ARRB2: variants seen among roughly 807,000 people sequenced by gnomAD.
ARRB2 encodes the protein arrestin beta 2, also known as beta-arrestin-2.
ARRB2 carries 21 observed loss-of-function variants against 53.4 expected under a neutral mutation model. The observed-to-expected ratio is 0.39, with a 90% confidence interval of 0.28 to 0.57. ARRB2 has a LOEUF of 0.57. Ranked by LOEUF, ARRB2 falls within the 20% of genes least tolerant of loss-of-function variation. The probability of loss-of-function intolerance (pLI) is 0.55; values close to 1 mark genes in which losing one functional copy is unlikely to be tolerated. For missense variants in ARRB2, 369 were observed against 527.5 expected, an observed-to-expected ratio of 0.70 and a Z score of 2.94; for synonymous variants, 180 against 212.9, an observed-to-expected ratio of 0.85 and a Z score of 1.34.
intron 1 of ARRB2, among the ~76,000 whole-genome samples, chr17:4,713,325 T>G (rs571514612): frequency 6.8e-6 from 1 of 147,894 alleles, no homozygotes; most frequent in African/African-American, 2.5e-5. Context: ...GGAAACCCCA[T>G]CTATACTAAA....
chr17:4,716,179 A>C lies in ARRB2; in HGVS notation c.148A>C (p.Lys50Gln). The C allele has an allele frequency of 6.2e-7, 1 of 1,614,002 alleles. No individual in the cohort carries two copies. Among genetic ancestry groups the C allele is most frequent in the Middle Eastern group, 1.7e-4 (1 of 6,024 alleles). Residue 50 changes from lysine (K) to glutamine (Q), a missense_variant, in exon 4 of 15, where the codon AAG becomes CAG. Lys to Gln is a moderately conservative substitution (Grantham distance 53). Coordinates refer to ENST00000269260, the MANE Select transcript of ARRB2 (RefSeq NM_004313.4). ...GGTGCTTGTGGACCCTGACTACCTG[A>C]AGGACCGCAAAGGTACTGGCCCCAA... ...GVVLVDPDYL[K>Q]DRKVFVTLTC... is the part of the protein sequence containing the mutation.
In ARRB2 at chr17:4,710,691, G is replaced by A. The variant is rs904123438; in HGVS notation, c.-31G>A. On this transcript the variant is annotated 5_prime_UTR_variant, in exon 1 of 15. Transcript: ENST00000269260. The stretch of plus-strand genomic sequence containing the variant: ...CGGGCGAGGAGGCTGCGAGCGAGCC[G>A]CGAACCGAGCGGGCGGCGGGCGCGC... The A allele has an allele frequency of 1.5e-5, 6 of 398,472 alleles. No individual in the cohort carries two copies. Among genetic ancestry groups the A allele is most frequent in the Non-Finnish European group, 2.7e-5 (6 of 225,968 alleles). 24.7% of individuals were successfully genotyped at this position (398,472 alleles called of 1,614,324 possible). A position where few individuals can be genotyped will look rare whatever the true frequency, so the allele number is the denominator to read the frequency against.
At position 4,717,600 on chromosome 17, in the gene ARRB2, C is replaced by G; in HGVS notation, c.418-85C>G. 3 of 1,563,594 alleles carry G rather than the reference C, an allele frequency of 1.9e-6. No individual in the cohort carries two copies. The highest frequency in any genetic ancestry group is 1.7e-5 in the Admixed American group (1 of 59,798). On this transcript the variant is annotated intron_variant, in intron 6 of 14. Transcript: ENST00000269260. This position sits in a 1 kb window ranked among gnomAD's most constrained non-coding sequence, Gnocchi z 6.0. ...CCACAATGAGGCAAGAGTCCCTGCC[C>G]GAGAGGAGGGAAGGGGGAGGAAGAA... is the stretch of plus-strand genomic sequence containing the variant.
At position 4,721,288 on chromosome 17, in the gene ARRB2, T is replaced by A; in HGVS notation, c.*249T>A. ...TCCAGCCCCGCCGTGGGTGGCAAGCTGTGTTCATACCTAAATTTTCTGGAA... is the reference window on the plus strand; with the variant it reads ...TCCAGCCCCGCCGTGGGTGGCAAGCAGTGTTCATACCTAAATTTTCTGGAA... On this transcript the variant is annotated 3_prime_UTR_variant, in exon 15 of 15. Coordinates refer to ENST00000269260, the MANE Select transcript of ARRB2 (RefSeq NM_004313.4). This position sits in a 1 kb window ranked among gnomAD's most constrained non-coding sequence, Gnocchi z 4.2. 1 of 510,664 alleles carries A rather than the reference T, an allele frequency of 2.0e-6. No individual in the cohort carries two copies. The highest frequency in any genetic ancestry group is 3.5e-6 in the Non-Finnish European group (1 of 288,156). The allele number at this position is 510,664 out of a possible 1,614,324, so 31.6% of individuals were successfully genotyped here. A position where few individuals can be genotyped will look rare whatever the true frequency, so the allele number is the denominator to read the frequency against.
chr17:4,718,384 C>T lies in ARRB2; in HGVS notation c.706+39C>T, dbSNP rs746019390. 1.4e-4 allele frequency: 214 copies of T among 1,573,280 alleles called. No homozygotes were observed. In the South Asian group the frequency reaches 2.1e-3, roughly 15 times the overall value. On this transcript the variant is annotated intron_variant, in intron 9 of 14. Coordinates refer to ENST00000269260, the MANE Select transcript of ARRB2 (RefSeq NM_004313.4). ...TTTGGAAGGGGGTCTTCGGGGAGGG[C>T]GTTACTGCACAGGTGGCTCCTGGTG...
intron 9 of ARRB2, 125 bp from the exon 10 acceptor site, chr17:4,718,487 G>A (rs779963237): frequency 8.7e-5 from 105 of 1,206,352 alleles, no homozygotes; most frequent in Non-Finnish European, 1.2e-4. Flanking sequence ...ATAATGATAC[G>A]GGGAGCCTCG....
chr17:4,711,602 A>G (rs1051775574), intron 1 of ARRB2, among the ~76,000 whole-genome samples: 3 of 152,150 alleles, frequency 2.0e-5, no homozygotes, highest in Non-Finnish European at 4.4e-5. Flanking sequence ...GCAAAACATC[A>G]TATCAACCCC....
At position 4,721,087 on chromosome 17, in the gene ARRB2, G is replaced by C; in HGVS notation, c.*48G>C. 7 of 1,556,332 alleles carry C rather than the reference G, an allele frequency of 4.5e-6. No individual in the cohort carries two copies. The highest frequency in any genetic ancestry group is 6.2e-6 in the Non-Finnish European group (7 of 1,129,406). ...GGGGATGGGGTTGGGAGAGGTGAGG[G>C]CAGGATTAAGATCCCCACTGTCAAT... On this transcript the variant is annotated 3_prime_UTR_variant, in exon 15 of 15. Coordinates refer to ENST00000269260, the MANE Select transcript of ARRB2 (RefSeq NM_004313.4). This position sits in a 1 kb window ranked among gnomAD's most constrained non-coding sequence, Gnocchi z 4.2.
Position 4,716,528 on chromosome 17 carries a change from A to ACCCCCCCCCCCCCCCCCCCCC in ARRB2, c.277_278insCCCCCCCCCCCCCCCCCCCCC (p.Asn93delinsThrProProProProProProHis). ...CTACCAGGCCTTCCCCCCGGTGCCC[A>ACCCCCCCCCCCCCCCCCCCCC]ACCCACCCCGGCCCCCCACCCGCCT... is the stretch of plus-strand genomic sequence containing the variant. On this transcript the variant is annotated protein_altering_variant, in exon 5 of 15. Transcript: ENST00000269260. 1 of 1,015,122 alleles carries ACCCCCCCCCCCCCCCCCCCCC rather than the reference A, an allele frequency of 9.9e-7. No homozygotes were observed. Among genetic ancestry groups the ACCCCCCCCCCCCCCCCCCCCC allele is most frequent in the Admixed American group, 2.1e-5 (1 of 47,602 alleles). The allele number at this position is 1,015,122 out of a possible 1,614,324, so 62.9% of individuals were successfully genotyped here. A position where few individuals can be genotyped will look rare whatever the true frequency, so the allele number is the denominator to read the frequency against.
At chr17:4,714,914 G>C (rs1468279353) in intron 1 of ARRB2, 99 bp from the exon 2 acceptor site, 1 of 1,312,804 alleles carries the variant, frequency 7.6e-7, no homozygotes, top group African/African-American at 1.5e-5. Context: ...GGAGGCCTGG[G>C]TGAGCACTGC....
chr17:4,711,265 G>A (rs949531103), intron 1 of ARRB2, among the ~76,000 whole-genome samples: 5 of 152,102 alleles, frequency 3.3e-5, no homozygotes, highest in African/African-American at 1.2e-4. Flanking sequence ...TCATCTTGGG[G>A]GAGCCGAGTG....
Position 4,718,171 on chromosome 17 carries a change from G to A in ARRB2, c.622-90G>A, listed in dbSNP as rs1915269052. The A allele has an allele frequency of 2.9e-5, 44 of 1,539,468 alleles. No individual in the cohort carries two copies. The South Asian group carries it at 5.1e-4, about 18-fold the overall frequency. On this transcript the variant is annotated intron_variant, in intron 8 of 14. Coordinates refer to ENST00000269260, the MANE Select transcript of ARRB2 (RefSeq NM_004313.4). ...GTGGGCTTGGGTTTGAGGGGAGGGG[G>A]CCAGAACAATGTGTCTGTGTTTGGG...
chr17:4,714,948 G>T, intron 1 of ARRB2, 65 bp from the exon 2 acceptor site: 2 of 1,533,380 alleles, frequency 1.3e-6, no homozygotes, highest in Non-Finnish European at 1.8e-6. Context: ...GAGGGAGAGG[G>T]TCCTGGTGTG....
intron 10 of ARRB2, among the ~76,000 whole-genome samples, 194 bp from the exon 11 acceptor site, chr17:4,719,089 A>AGCC (rs1915405052): frequency 6.6e-6 from 1 of 152,182 alleles, no homozygotes; most frequent in Non-Finnish European, 1.5e-5. Context: ...CTTCACTTAA[A>AGCC]AGGGTATTCC....
chr17:4,714,982 G>A (rs1356559379), intron 1 of ARRB2, 31 bp from the exon 2 acceptor site: 2 of 1,586,396 alleles, frequency 1.3e-6, no homozygotes, highest in Non-Finnish European at 1.7e-6. Context: ...GTCTGAGGGA[G>A]GCAGTGGGGT....
chr17:4,720,085 G>A (rs531144128), intron 11 of ARRB2, 131 bp from the exon 12 acceptor site: 67 of 891,384 alleles, frequency 7.5e-5, no homozygotes, highest in Non-Finnish European at 1.1e-4. Flanking sequence ...ATAACCGCAC[G>A]GCCTGGGCTG....
At chr17:4,710,917 G>A (rs1005316806) in intron 1 of ARRB2, among the ~76,000 whole-genome samples, 173 bp downstream of exon 1, 38 of 151,912 alleles carry the variant, frequency 2.5e-4, no homozygotes, top group African/African-American at 8.7e-4. Flanking sequence ...GGGTGGGGGG[G>A]AAATGCCCGG....
chr17:4,721,453 C>G lies in ARRB2; in HGVS notation c.*414C>G. ...AGACCCTTTGGGGACAAGGCCGTTT[C>G]TTTGTTTCTGAGCATAAAGAAGAAA... On this transcript the variant is annotated 3_prime_UTR_variant, in exon 15 of 15. Coordinates refer to ENST00000269260, the MANE Select transcript of ARRB2 (RefSeq NM_004313.4). This position sits in a 1 kb window ranked among gnomAD's most constrained non-coding sequence, Gnocchi z 4.2. 1 of 397,222 alleles carries G rather than the reference C, an allele frequency of 2.5e-6. No homozygotes were observed. Among genetic ancestry groups the G allele is most frequent in the Non-Finnish European group, 4.4e-6 (1 of 225,226 alleles). 24.6% of individuals were successfully genotyped at this position (397,222 alleles called of 1,614,324 possible). A position where few individuals can be genotyped will look rare whatever the true frequency, so the allele number is the denominator to read the frequency against.
chr17:4,717,561 C>T lies in ARRB2; in HGVS notation c.418-124C>T. 7.6e-7 allele frequency: 1 copy of T among 1,309,870 alleles called. No homozygotes were observed. Among genetic ancestry groups the T allele is most frequent in the Non-Finnish European group, 1.1e-6 (1 of 920,006 alleles). 81.1% of individuals were successfully genotyped at this position (1,309,870 alleles called of 1,614,324 possible). A position where few individuals can be genotyped will look rare whatever the true frequency, so the allele number is the denominator to read the frequency against. On this transcript the variant is annotated intron_variant, in intron 6 of 14. Coordinates refer to ENST00000269260, the MANE Select transcript of ARRB2 (RefSeq NM_004313.4). This position sits in a 1 kb window ranked among gnomAD's most constrained non-coding sequence, Gnocchi z 6.0. Reference sequence around the variant, plus strand: ...TTTGGAGAGGAAGAAGACTTAGTCCCCAGGGTCGTGAGACCACAATGAGGC... The same window carrying T: ...TTTGGAGAGGAAGAAGACTTAGTCCTCAGGGTCGTGAGACCACAATGAGGC...
Sources: allele counts gnomAD v4.1 joint callset (sites outside exome capture counted in the v4.1 genomes callset), GRCh38; gene constraint gnomAD v4.1.1; non-coding constraint Gnocchi (gnomAD v3.1); transcripts MANE v1.5; gene names NCBI Gene and HGNC (gene_info 2026-07-23, HGNC 2026-07-21).